SAMD12: variants seen among roughly 807,000 people sequenced by gnomAD.
SAMD12 encodes the protein sterile alpha motif domain-containing protein 12.
A neutral mutation model predicts 15.0 loss-of-function variants in SAMD12; 9 were observed. That is an observed-to-expected ratio of 0.60 (90% CI 0.36 to 1.05). SAMD12 has a LOEUF of 1.05. Ranked by LOEUF, SAMD12 falls within the 50% of genes least tolerant of loss-of-function variation. The pLI, the probability that SAMD12 is intolerant of heterozygous loss-of-function variation, is 0.01. For missense variants in SAMD12, 230 were observed against 234.2 expected, an observed-to-expected ratio of 0.98 and a Z score of 0.12; for synonymous variants, 86 against 90.1, an observed-to-expected ratio of 0.96 and a Z score of 0.25.
intron 2 of SAMD12, among the ~76,000 whole-genome samples, chr8:118,465,686 G>GTT (rs534768520): frequency 4.6e-5 from 7 of 151,712 alleles, no homozygotes; most frequent in African/African-American, 1.7e-4. Flanking sequence ...AAATGGAATA[G>GTT]TTTTTTTTTA....
At chr8:118,234,944 T>G (rs1232522370) in intron 4 of SAMD12, among the ~76,000 whole-genome samples, 1 of 152,146 alleles carries the variant, frequency 6.6e-6, no homozygotes, top group Non-Finnish European at 1.5e-5. Context: ...TTTTCTTACA[T>G]AAATACTCTC....
chr8:118,212,428 T>C (rs950607751), intron 4 of SAMD12, among the ~76,000 whole-genome samples: 6 of 152,242 alleles, frequency 3.9e-5, no homozygotes, highest in Admixed American at 1.3e-4. Flanking sequence ...AAGATTTCTT[T>C]AATCTGCTCT....
intron 4 of SAMD12, among the ~76,000 whole-genome samples, chr8:118,359,986 A>G (rs564216804): frequency 6.6e-6 from 1 of 152,262 alleles, no homozygotes; most frequent in South Asian, 2.1e-4. Flanking sequence ...CATTTATTCA[A>G]CTGAATACTC....
chr8:118,466,890 T>C (rs1036353736), intron 2 of SAMD12, among the ~76,000 whole-genome samples: 1 of 152,144 alleles, frequency 6.6e-6, no homozygotes, highest in African/African-American at 2.4e-5. Flanking sequence ...TTAAAGGAAA[T>C]TAACCACTTT....
At chr8:118,229,837 A>T (rs1812268943) in intron 4 of SAMD12, among the ~76,000 whole-genome samples, 1 of 152,218 alleles carries the variant, frequency 6.6e-6, no homozygotes, top group Admixed American at 6.5e-5. Flanking sequence ...TACCAGGGCC[A>T]GTAATGAGTG....
the SAMD12 span, among the ~76,000 whole-genome samples, chr8:118,169,962 T>C: frequency 1.3e-5 from 2 of 152,196 alleles, no homozygotes; most frequent in Non-Finnish European, 1.5e-5. Flanking sequence ...AGATTAAACA[T>C]GGTACATTCA....
chr8:118,511,848 C>T (rs1000553508), intron 2 of SAMD12, among the ~76,000 whole-genome samples: 1 of 152,166 alleles, frequency 6.6e-6, no homozygotes, highest in South Asian at 2.1e-4. Context: ...ACAAGAGGGA[C>T]ATATACAAAT....
chr8:118,226,945 G>T (rs1812202437), intron 4 of SAMD12, among the ~76,000 whole-genome samples: 2 of 152,050 alleles, frequency 1.3e-5, no homozygotes, highest in Admixed American at 6.6e-5. Flanking sequence ...CAGATGGGGT[G>T]GACACTGAAC....
chr8:118,487,508 T>C (rs922163836), intron 2 of SAMD12, among the ~76,000 whole-genome samples: 2 of 152,160 alleles, frequency 1.3e-5, no homozygotes, highest in African/African-American at 2.4e-5. Context: ...TCCAATAACA[T>C]AGCGGTTTAG....
At chr8:118,608,262 C>G (rs574433091) in intron 1 of SAMD12, among the ~76,000 whole-genome samples, 25 of 151,818 alleles carry the variant, frequency 1.6e-4, no homozygotes, top group Middle Eastern at 3.4e-3. Flanking sequence ...TACTTCCCAG[C>G]ACACACCTTG....
chr8:118,443,789 G>A (rs1262695710), intron 2 of SAMD12, among the ~76,000 whole-genome samples: 3 of 152,124 alleles, frequency 2.0e-5, no homozygotes, highest in Non-Finnish European at 2.9e-5. Flanking sequence ...GTCAATCTCA[G>A]TTACTCCCCC....
At chr8:118,359,023 GTGTA>G (rs962957424) in intron 4 of SAMD12, among the ~76,000 whole-genome samples, 10 of 146,420 alleles carry the variant, frequency 6.8e-5, no homozygotes, top group South Asian at 4.2e-4. Context: ...GTGTGTGTGT[GTGTA>G]TATATATATA....
At chr8:118,306,662 T>C (rs1815365574) in intron 4 of SAMD12, among the ~76,000 whole-genome samples, 2 of 152,282 alleles carry the variant, frequency 1.3e-5, no homozygotes, top group South Asian at 4.1e-4. Context: ...CAATTTTACA[T>C]GAGCAGCAAA....
rs551031395 is a variant in SAMD12 at position 118,498,691 on chromosome 8, A to G, written c.193-58730T>C. On this transcript the variant is annotated intron_variant, in intron 2 of 3. Coordinates refer to ENST00000314727, the MANE Select transcript of SAMD12 (RefSeq NM_207506.3). ...GAAAATATGAAAATTAATAGAAATG[A>G]TTACAAAAAATGATATTGCCAAGAT... 1.2e-4 allele frequency among the ~76,000 whole-genome samples: 19 copies of G among 152,376 alleles called. No homozygotes were observed. The South Asian group carries it at 3.9e-3, about 32-fold the overall frequency.
At chr8:118,563,812 T>C (rs1246524843) in intron 2 of SAMD12, among the ~76,000 whole-genome samples, 2 of 152,196 alleles carry the variant, frequency 1.3e-5, no homozygotes, top group East Asian at 3.9e-4. Flanking sequence ...TAACCATTTC[T>C]TTTCCCTCTA....
intron 3 of SAMD12, among the ~76,000 whole-genome samples, chr8:118,408,782 C>T (rs1821255771): frequency 6.6e-6 from 1 of 152,118 alleles, no homozygotes; most frequent in Non-Finnish European, 1.5e-5. Flanking sequence ...TAAATTTAAT[C>T]CCAGGGTAGT....
chr8:118,515,717 T>C (rs529181478), intron 2 of SAMD12, among the ~76,000 whole-genome samples: 2 of 152,260 alleles, frequency 1.3e-5, no homozygotes, highest in Admixed American at 1.3e-4. Flanking sequence ...ACCTTTCCCA[T>C]CCTTCATATT....
chr8:118,277,581 TAAAAA>T (rs1373853636), intron 4 of SAMD12, among the ~76,000 whole-genome samples: 1 of 125,220 alleles, frequency 8.0e-6, no homozygotes. Context: ...GTCTCCTGAG[TAAAAA>T]AAAAAAAAAA....
intron 4 of SAMD12, among the ~76,000 whole-genome samples, chr8:118,358,502 C>G (rs1238635345): frequency 6.6e-6 from 1 of 152,144 alleles, no homozygotes; most frequent in Non-Finnish European, 1.5e-5. Flanking sequence ...CTCATGTTGC[C>G]TTTCATGAAG....
Sources: gnomAD v4.1 joint callset for allele counts (sites outside exome capture counted in the v4.1 genomes callset) on GRCh38, gnomAD v4.1.1 for gene constraint, MANE v1.5 for transcripts, NCBI Gene and HGNC (gene_info 2026-07-23, HGNC 2026-07-21) for gene names.